SIX5: variants seen among roughly 807,000 people sequenced by gnomAD.
SIX5 encodes the protein homeobox protein SIX5.
SIX5 carries 21 observed loss-of-function variants against 37.1 expected under a neutral mutation model. That is an observed-to-expected ratio of 0.57 (90% confidence interval 0.40 to 0.81). The LOEUF (loss-of-function observed/expected upper bound fraction) is 0.81, where lower values mean the gene tolerates loss of function less well. SIX5 is among the 40% of genes least tolerant of loss of function. The pLI is 0.00. For synonymous variants in SIX5, 626 were observed against 505.9 expected (o/e 1.24, Z -3.19); for missense variants, 1,137 against 1,025.1 (o/e 1.11, Z -1.49).
chr19:45,768,467 C>T lies in SIX5; in HGVS notation c.378G>A (p.Val126=). 1 of 1,527,448 alleles carries T rather than the reference C, an allele frequency of 6.5e-7. No individual in the cohort carries two copies. The highest frequency in any genetic ancestry group is 8.7e-7 in the Non-Finnish European group (1 of 1,143,536). 94.6% of individuals were successfully genotyped at this position (1,527,448 alleles called of 1,614,324 possible). ...AGGCCACCAGGGCCCGCGCGCGCAACACCGGGTCGCTGCCACGTAGGCGCT... is the reference window on the plus strand; with the variant it reads ...AGGCCACCAGGGCCCGCGCGCGCAATACCGGGTCGCTGCCACGTAGGCGCT... ...PAERLRGSDP[V]LRARALVAFQ... Residue 126 remains valine, a synonymous_variant, in exon 1 of 3, where the codon GTG becomes GTA. Coordinates refer to ENST00000317578, the MANE Select transcript of SIX5 (RefSeq NM_175875.5).
At position 45,765,556 on chromosome 19, in the gene SIX5, G is replaced by C. The variant is rs765649665; in HGVS notation, c.2165C>G (p.Ala722Gly). Residue 722 changes from alanine (A) to glycine (G), a missense_variant, in exon 3 of 3, where the codon GCC (alanine) becomes GGC (glycine). Ala to Gly is a moderately conservative substitution (Grantham distance 60). Around this residue, in one of 3 missense-constraint regions of SIX5, gnomAD observed 787 missense variants for 621.4 expected, o/e 1.27. Transcript: ENST00000317578. ...CGACTGGAGCTGGGTCAGAACCTTGGCCTCAGCTTCCAACCCCTCGTCAAC... is the reference window on the plus strand; with the variant it reads ...CGACTGGAGCTGGGTCAGAACCTTGCCCTCAGCTTCCAACCCCTCGTCAAC... ...GEVDEGLEAE[A>G]KVLTQLQSVP... 15 of 1,613,450 alleles carry C rather than the reference G, an allele frequency of 9.3e-6. No individual in the cohort carries two copies. The highest frequency in any genetic ancestry group is 3.3e-5 in the Admixed American group (2 of 60,030).
chr19:45,768,932 C>T lies in SIX5; in HGVS notation c.-88G>A. The stretch of plus-strand genomic sequence containing the variant: ...CTCCCCCACCTGTCCCCCCTTTTCG[C>T]CCCCACTCCCCGCTCTTCTCGATCT... On this transcript the variant is annotated 5_prime_UTR_variant, in exon 1 of 3. Coordinates refer to ENST00000317578, the MANE Select transcript of SIX5 (RefSeq NM_175875.5). 8.3e-7 allele frequency: 1 copy of T among 1,205,374 alleles called. No homozygotes were observed. The highest frequency in any genetic ancestry group is 1.1e-6 in the Non-Finnish European group (1 of 875,188). 74.7% of individuals were successfully genotyped at this position (1,205,374 alleles called of 1,614,324 possible). A position where few individuals can be genotyped will look rare whatever the true frequency, so the allele number is the denominator to read the frequency against.
chr19:45,766,602 C>G lies in SIX5; in HGVS notation c.1357G>C (p.Val453Leu). ...GPVPAVAAPQ[V>L]VPLSPPPGYP... Reference sequence around the variant, plus strand: ...CCCGGGGGTGGGGAGAGCGGTACCACTTGTGGGGCAGCCACAGCAGGCACT... The same window carrying G: ...CCCGGGGGTGGGGAGAGCGGTACCAGTTGTGGGGCAGCCACAGCAGGCACT... Residue 453 changes from valine (V) to leucine (L), a missense_variant, in exon 2 of 3, where the codon GTG (valine) becomes CTG (leucine). Transcript: ENST00000317578. The G allele has an allele frequency of 6.8e-7, 1 of 1,470,084 alleles. No individual in the cohort carries two copies. Among genetic ancestry groups the G allele is most frequent in the Non-Finnish European group, 9.0e-7 (1 of 1,107,252 alleles). The allele number at this position is 1,470,084 out of a possible 1,614,324, so 91.1% of individuals were successfully genotyped here. A position where few individuals can be genotyped will look rare whatever the true frequency, so the allele number is the denominator to read the frequency against.
At chr19:45,767,331 C>A (rs1447184235) in intron 1 of SIX5, among the ~76,000 whole-genome samples, 176 bp from the exon 2 acceptor site, 1 of 152,224 alleles carries the variant, frequency 6.6e-6, no homozygotes, top group Non-Finnish European at 1.5e-5. Context: ...CCTGCGTGGA[C>A]ACCACTGCAG....
In SIX5 at chr19:45,765,627, G is replaced by C; in HGVS notation, c.2094C>G (p.Asp698Glu). ...CCAGGAGCAGCCCCTCAGGGTCGGGGTCTGGCAGCCTCAGCACGGTGTGGG... is the reference window on the plus strand; with the variant it reads ...CCAGGAGCAGCCCCTCAGGGTCGGGCTCTGGCAGCCTCAGCACGGTGTGGG... ...QAPHTVLRLPDPDPEGLLLGA... is the reference protein window; with the variant it reads ...QAPHTVLRLPEPDPEGLLLGA... The change falls in exon 3 of 3, where the codon GAC becomes GAG. Residue 698 changes from aspartate (D) to glutamate (E), a missense_variant. Physicochemically the swap from Asp to Glu is conservative, Grantham distance 45. Around this residue, in one of 3 missense-constraint regions of SIX5, gnomAD observed 787 missense variants for 621.4 expected, o/e 1.27. Coordinates refer to ENST00000317578, the MANE Select transcript of SIX5 (RefSeq NM_175875.5). 5 of 1,612,728 alleles carry C rather than the reference G, an allele frequency of 3.1e-6. No individual in the cohort carries two copies. The highest frequency in any genetic ancestry group is 4.2e-6 in the Non-Finnish European group (5 of 1,179,574).
At position 45,766,028 on chromosome 19, in the gene SIX5, C is replaced by G. The variant is rs780652236; in HGVS notation, c.1693G>C (p.Ala565Pro). Residue 565 changes from alanine to proline, a missense_variant, in exon 3 of 3, where the codon GCC becomes CCC. Coordinates refer to ENST00000317578, the MANE Select transcript of SIX5 (RefSeq NM_175875.5). ...ALQQGKIILTATFPTSMLVSQ... is the reference protein window; with the variant it reads ...ALQQGKIILTPTFPTSMLVSQ... ...ACGAGCATGCTGGTGGGGAAGGTGGCGGTGAGGATGATCTTGCCCTGCTGC... is the reference window on the plus strand; with the variant it reads ...ACGAGCATGCTGGTGGGGAAGGTGGGGGTGAGGATGATCTTGCCCTGCTGC... 2.5e-6 allele frequency: 4 copies of G among 1,610,686 alleles called. No individual in the cohort carries two copies. The highest frequency in any genetic ancestry group is 8.5e-7 in the Non-Finnish European group (1 of 1,178,772).
Position 45,768,285 on chromosome 19 carries a change from C to A in SIX5, c.560G>T (p.Arg187Leu). The A allele has an allele frequency of 4.3e-6, 7 of 1,612,216 alleles. No individual in the cohort carries two copies. Among genetic ancestry groups the A allele is most frequent in the Non-Finnish European group, 5.1e-6 (6 of 1,179,450 alleles). Residue 187 changes from arginine to leucine, a missense_variant, in exon 1 of 3, where the codon CGA becomes CTA. By Grantham distance (102) the Arg-to-Leu change is moderately radical. Coordinates refer to ENST00000317578, the MANE Select transcript of SIX5 (RefSeq NM_175875.5). ...GRALGAVDKY[R>L]LRKKFPLPKT... is the part of the protein sequence containing the mutation. ...GGGCAGCGGGAACTTCTTGCGCAGT[C>A]GATACTTGTCCACTGCGCCAAGCGC... is the stretch of plus-strand genomic sequence containing the variant.
Position 45,768,311 on chromosome 19 carries a change from G to T in SIX5, c.534C>A (p.Arg178=). ...RYHEAERARG[R]ALGAVDKYRL... ...GATACTTGTCCACTGCGCCAAGCGCGCGGCCGCGGGCCCGCTCGGCCTCAT... is the reference window on the plus strand; with the variant it reads ...GATACTTGTCCACTGCGCCAAGCGCTCGGCCGCGGGCCCGCTCGGCCTCAT... The change falls in exon 1 of 3, where the codon CGC becomes CGA. Residue 178 remains arginine, a synonymous_variant. Transcript: ENST00000317578. 1 of 1,609,214 alleles carries T rather than the reference G, an allele frequency of 6.2e-7. No individual in the cohort carries two copies.
intron 1 of SIX5, among the ~76,000 whole-genome samples, chr19:45,767,419 G>A (rs373996848): frequency 6.6e-6 from 1 of 152,214 alleles, no homozygotes; most frequent in East Asian, 1.9e-4. Flanking sequence ...CTCCCAGGTT[G>A]CCCTAAAAGT....
rs751684649 is a variant in SIX5 at position 45,766,464 on chromosome 19, C to T, written c.1495G>A (p.Ala499Thr). 1.6e-5 allele frequency: 25 copies of T among 1,531,044 alleles called. No individual in the cohort carries two copies. The highest frequency in any genetic ancestry group is 1.6e-5 in the Non-Finnish European group (18 of 1,135,456). The allele number at this position is 1,531,044 out of a possible 1,614,324, so 94.8% of individuals were successfully genotyped here. A position where few individuals can be genotyped will look rare whatever the true frequency, so the allele number is the denominator to read the frequency against. ...ACCTTCACAGGGCTGCCTGGCCCGGCTGCCAACAGCTGCAGGGGCCCCACA... is the reference window on the plus strand; with the variant it reads ...ACCTTCACAGGGCTGCCTGGCCCGGTTGCCAACAGCTGCAGGGGCCCCACA... ...QAVGPLQLLA[A>T]GPGSPVKVAA... The change falls in exon 2 of 3, where the codon GCC (alanine) becomes ACC (threonine). Residue 499 changes from alanine (A) to threonine (T), a missense_variant. This residue lies in a region of SIX5 where 787 missense variants were observed against 621.4 expected (regional missense o/e 1.27). Transcript: ENST00000317578.
At position 45,768,790 on chromosome 19, in the gene SIX5, C is replaced by T. The variant is rs933985273; in HGVS notation, c.55G>A (p.Val19Met). The T allele has an allele frequency of 3.3e-6, 5 of 1,529,318 alleles. No homozygotes were observed. Among genetic ancestry groups the T allele is most frequent in the Middle Eastern group, 2.0e-4 (1 of 5,078 alleles). 94.7% of individuals were successfully genotyped at this position (1,529,318 alleles called of 1,614,324 possible). A position where few individuals can be genotyped will look rare whatever the true frequency, so the allele number is the denominator to read the frequency against. Residue 19 changes from valine to methionine, a missense_variant, in exon 1 of 3, where the codon GTG becomes ATG. By Grantham distance (21) the Val-to-Met change is conservative (BLOSUM62 1). Around this residue, in one of 3 missense-constraint regions of SIX5, gnomAD observed 331 missense variants for 360.9 expected, o/e 0.92. Coordinates refer to ENST00000317578, the MANE Select transcript of SIX5 (RefSeq NM_175875.5). ...TCTTCGGTCGCCGCCGCCGCCGCCA[C>T]CGCCTCCCCCCCAGCCGCCGGCCCC... Reference protein sequence around the residue: ...SAGPAAGGEAVAAAAATEEEE... With the variant: ...SAGPAAGGEAMAAAAATEEEE...
chr19:45,766,150 G>A (rs1276436476), intron 2 of SIX5, 39 bp from the exon 3 acceptor site: 6 of 1,597,596 alleles, frequency 3.8e-6, no homozygotes, highest in South Asian at 3.4e-5. Flanking sequence ...TGAGAGCCAG[G>A]AGAGCAGGCC....
Position 45,767,144 on chromosome 19 carries a change from C to T in SIX5, c.815G>A (p.Gly272Glu), listed in dbSNP as rs749367607. Residue 272 changes from glycine to glutamate, a missense_variant, in exon 2 of 3, where the codon GGG becomes GAG. Gly to Glu is a moderately conservative substitution (Grantham distance 98). Coordinates refer to ENST00000317578, the MANE Select transcript of SIX5 (RefSeq NM_175875.5). ...GGAPCKSESDGNPTTEDESSR... is the reference protein window; with the variant it reads ...GGAPCKSESDENPTTEDESSR... ...GGACTCGTCCTCAGTCGTGGGATTC[C>T]CATCAGACTCGCTGGCCGGAGAAAT... 42 of 1,611,966 alleles carry T rather than the reference C, an allele frequency of 2.6e-5. 2 individuals carry two copies. In the South Asian group the frequency reaches 3.8e-4, roughly 15 times the overall value.
Position 45,768,903 on chromosome 19 carries a change from C to T in SIX5, c.-59G>A, listed in dbSNP as rs537557708. 5.0e-4 allele frequency: 727 copies of T among 1,455,090 alleles called. 4 individuals carry two copies. The African/African-American group carries it at 8.8e-3, about 18-fold the overall frequency. 90.1% of individuals were successfully genotyped at this position (1,455,090 alleles called of 1,614,324 possible). The stretch of plus-strand genomic sequence containing the variant: ...TCTTCCTCCCTCGGGCTTTCCCCAG[C>T]CTCCTCCCCCACCTGTCCCCCCTTT... On this transcript the variant is annotated 5_prime_UTR_variant, in exon 1 of 3. Coordinates refer to ENST00000317578, the MANE Select transcript of SIX5 (RefSeq NM_175875.5).
Position 45,766,090 on chromosome 19 carries a change from G to A in SIX5, c.1631C>T (p.Pro544Leu), listed in dbSNP as rs745957684. The A allele has an allele frequency of 3.1e-6, 5 of 1,611,898 alleles. No individual in the cohort carries two copies. The highest frequency in any genetic ancestry group is 4.2e-6 in the Non-Finnish European group (5 of 1,179,206). Residue 544 changes from proline (P) to leucine (L), a missense_variant, in exon 3 of 3, where the codon CCT becomes CTT. Transcript: ENST00000317578. ...CGTCACGATGGGGCTGCCAGACACA[G>A]GGTTGGCCAGGAGGAAGTTTCCTGT... ...TAPGNFLLAN[P>L]VSGSPIVTGV...
At chr19:45,767,713 G>A in intron 1 of SIX5, 3 of 418,168 alleles carry the variant, frequency 7.2e-6, no homozygotes, top group Non-Finnish European at 1.3e-5. Flanking sequence ...CAGCCCCTAC[G>A]CGGAGTGGAG....
chr19:45,766,779 G>A lies in SIX5; in HGVS notation c.1180C>T (p.Arg394Trp). ...LVLDPQTGEV[R>W]LEEAQSEAPE... ...GCCTCCGACTGAGCCTCCTCCAGCCGCACCTCCCCTGTCTGAGGGTCCAGG... is the reference window on the plus strand; with the variant it reads ...GCCTCCGACTGAGCCTCCTCCAGCCACACCTCCCCTGTCTGAGGGTCCAGG... Residue 394 changes from arginine to tryptophan, a missense_variant, in exon 2 of 3, where the codon CGG (arginine) becomes TGG (tryptophan). Arg to Trp is a moderately radical substitution (Grantham distance 101). This residue lies in a region of SIX5 where 787 missense variants were observed against 621.4 expected (regional missense o/e 1.27). Transcript: ENST00000317578. 2.5e-6 allele frequency: 4 copies of A among 1,579,914 alleles called. No individual in the cohort carries two copies. Among genetic ancestry groups the A allele is most frequent in the Non-Finnish European group, 3.4e-6 (4 of 1,166,034 alleles).
Position 45,766,104 on chromosome 19 carries a change from G to C in SIX5, c.1617C>G (p.Phe539Leu). ...TGCCAGACACAGGGTTGGCCAGGAG[G>C]AAGTTTCCTGTGGGGAGAGAGGGAC... ...QLPSATAPGN[F>L]LLANPVSGSP... Residue 539 changes from phenylalanine to leucine, a missense_variant, in exon 3 of 3, where the codon TTC becomes TTG. Phe to Leu is a conservative substitution (Grantham distance 22, BLOSUM62 0). This residue lies in a region of SIX5 where 787 missense variants were observed against 621.4 expected (regional missense o/e 1.27). Transcript: ENST00000317578. 1.9e-6 allele frequency: 3 copies of C among 1,611,414 alleles called. No homozygotes were observed. Among genetic ancestry groups the C allele is most frequent in the Non-Finnish European group, 2.5e-6 (3 of 1,179,010 alleles).
Position 45,768,874 on chromosome 19 carries a change from C to CCTCT in SIX5, c.-34_-31dup. On this transcript the variant is annotated 5_prime_UTR_variant, in exon 1 of 3. Transcript: ENST00000317578. ...TGCAACTTTGGGAAGTTCCTCCCTC[C>CCTCT]CTCTCTTCCTCCCTCGGGCTTTCCC... is the stretch of plus-strand genomic sequence containing the variant. The CCTCT allele has an allele frequency of 6.6e-7, 1 of 1,522,116 alleles. No homozygotes were observed. The highest frequency in any genetic ancestry group is 8.8e-7 in the Non-Finnish European group (1 of 1,138,972). The allele number at this position is 1,522,116 out of a possible 1,614,324, so 94.3% of individuals were successfully genotyped here.
Sources: allele counts gnomAD v4.1 joint callset (sites outside exome capture counted in the v4.1 genomes callset), GRCh38; gene constraint gnomAD v4.1.1; regional missense constraint gnomAD v4.1.1; transcripts MANE v1.5; gene names NCBI Gene and HGNC (gene_info 2026-07-23, HGNC 2026-07-21).